Variants in ITGA9 observed in about 807,000 individuals in gnomAD.
ITGA9 encodes the protein integrin alpha-9.
A neutral mutation model predicts 127.8 loss-of-function variants in ITGA9; 56 were observed. The ratio of observed to expected loss-of-function variants is 0.44; its 90% CI spans 0.35 to 0.55. The LOEUF is 0.55. Among genes scored for constraint, ITGA9 ranks in the 20% least tolerant of loss-of-function variants. The pLI is 0.00. For missense variants in ITGA9, 1,196 were observed against 1,347.1 expected, an observed-to-expected ratio of 0.89 and a Z score of 1.76; for synonymous variants, 508 against 514.5, an observed-to-expected ratio of 0.99 and a Z score of 0.17.
intron 15 of ITGA9, among the ~76,000 whole-genome samples, chr3:37,583,312 A>G (rs1011910755): frequency 1.3e-5 from 2 of 152,188 alleles, no homozygotes; most frequent in African/African-American, 2.4e-5. Context: ...GGATAATAAG[A>G]AAGGGGTTAA....
intron 18 of ITGA9, among the ~76,000 whole-genome samples, chr3:37,691,864 T>G (rs1047438804): frequency 4.6e-5 from 7 of 152,254 alleles, no homozygotes; most frequent in African/African-American, 7.2e-5. Context: ...GAACTCATGA[T>G]GTTTTGAAAA....
chr3:37,734,936 G>T (rs564944556), intron 19 of ITGA9, among the ~76,000 whole-genome samples: 8 of 152,346 alleles, frequency 5.3e-5, no homozygotes, highest in African/African-American at 1.7e-4. Flanking sequence ...GGGGGCATGG[G>T]AGCAGAGGGT....
chr3:37,713,639 G>A (rs1701102337), intron 18 of ITGA9, among the ~76,000 whole-genome samples: 1 of 152,208 alleles, frequency 6.6e-6, no homozygotes, highest in Non-Finnish European at 1.5e-5. Flanking sequence ...TCATGGAACA[G>A]GGCAGGAAAT....
At chr3:37,560,100 C>G (rs1203938844) in intron 15 of ITGA9, among the ~76,000 whole-genome samples, 1 of 151,818 alleles carries the variant, frequency 6.6e-6, no homozygotes, top group Non-Finnish European at 1.5e-5. Flanking sequence ...ATCCCTCCCC[C>G]AGCCCGCCAC....
At chr3:37,585,736 C>T (rs1447461090) in intron 15 of ITGA9, 1 of 482,208 alleles carries the variant, frequency 2.1e-6, no homozygotes, top group Admixed American at 2.0e-5. Flanking sequence ...GGGTGGTGAA[C>T]ACTAATATGC....
chr3:37,495,471 T>C (rs539992052), intron 5 of ITGA9, among the ~76,000 whole-genome samples: 1 of 152,340 alleles, frequency 6.6e-6, no homozygotes, highest in Non-Finnish European at 1.5e-5. Flanking sequence ...CTGCTGGCAC[T>C]GTCTATCCAT....
chr3:37,454,539 G>A (rs1215622375), intron 1 of ITGA9, among the ~76,000 whole-genome samples: 1 of 152,162 alleles, frequency 6.6e-6, no homozygotes, highest in Non-Finnish European at 1.5e-5. Context: ...GGGTCCATGG[G>A]AACCCATGTG....
chr3:37,629,428 G>C lies in ITGA9; in HGVS notation c.1839+92G>C. On this transcript the variant is annotated intron_variant, in intron 16 of 27. Transcript: ENST00000264741. This position sits in a 1 kb window ranked among gnomAD's most constrained non-coding sequence, Gnocchi z 4.5. ...AAAAGTTGAGAGAGCCGTGGGCCTG[G>C]CTGCTCAGGAGACCGCAGCCAGGAC... 2.1e-6 allele frequency: 3 copies of C among 1,458,608 alleles called. No individual in the cohort carries two copies. The highest frequency in any genetic ancestry group is 2.8e-6 in the Non-Finnish European group (3 of 1,059,588). 90.4% of individuals were successfully genotyped at this position (1,458,608 alleles called of 1,614,324 possible). A position where few individuals can be genotyped will look rare whatever the true frequency, so the allele number is the denominator to read the frequency against.
chr3:37,691,917 GA>G (rs1216592838), intron 18 of ITGA9, among the ~76,000 whole-genome samples: 1 of 152,236 alleles, frequency 6.6e-6, no homozygotes, highest in Non-Finnish European at 1.5e-5. Flanking sequence ...GTGATTGCAA[GA>G]AGCAGCTAAA....
At chr3:37,561,998 A>G (rs1299336685) in intron 15 of ITGA9, among the ~76,000 whole-genome samples, 1 of 152,218 alleles carries the variant, frequency 6.6e-6, no homozygotes, top group Non-Finnish European at 1.5e-5. Flanking sequence ...CCTGTATAGA[A>G]TGCCTGGGAA....
At chr3:37,637,111 T>A (rs1700286857) in intron 16 of ITGA9, among the ~76,000 whole-genome samples, 1 of 152,192 alleles carries the variant, frequency 6.6e-6, no homozygotes, top group Non-Finnish European at 1.5e-5. Context: ...GACTTGGCGA[T>A]GCGGGCTCTT....
intron 15 of ITGA9, among the ~76,000 whole-genome samples, chr3:37,554,804 G>A (rs1699414400): frequency 6.6e-6 from 1 of 152,182 alleles, no homozygotes; most frequent in African/African-American, 2.4e-5. Context: ...GTCACTGGTG[G>A]TGTTTTCAAC....
At chr3:37,517,399 G>C in intron 9 of ITGA9, 105 bp from the exon 10 acceptor site, 12 of 864,126 alleles carry the variant, frequency 1.4e-5, no homozygotes, top group Non-Finnish European at 2.1e-5. Flanking sequence ...CAATGAGTGT[G>C]CTCTAGCAGG....
intron 15 of ITGA9, among the ~76,000 whole-genome samples, chr3:37,553,381 G>T (rs991320543): frequency 6.6e-6 from 1 of 152,152 alleles, no homozygotes; most frequent in Non-Finnish European, 1.5e-5. Context: ...ATTGCATTTG[G>T]CTGTCACATC....
At chr3:37,749,622 T>C (rs7632008) in intron 22 of ITGA9, 47,269 of 152,168 alleles carry the variant, frequency 0.31, 7,546 homozygotes, top group Middle Eastern at 0.47. Context: ...CTGGTCTCTG[T>C]GACCTCCATC....
intron 14 of ITGA9, among the ~76,000 whole-genome samples, chr3:37,538,990 A>G (rs1001159012): frequency 6.6e-6 from 1 of 152,240 alleles, no homozygotes; most frequent in Non-Finnish European, 1.5e-5. Context: ...CTGAAAGTTT[A>G]ATGTGCTGGC....
intron 15 of ITGA9, among the ~76,000 whole-genome samples, chr3:37,596,438 AG>A (rs1699871625): frequency 6.6e-6 from 1 of 152,116 alleles, no homozygotes; most frequent in African/African-American, 2.4e-5. Flanking sequence ...AGGAGAGAAA[AG>A]GGTGTTCTTC....
At position 37,802,825 on chromosome 3, in the gene ITGA9, G is replaced by A. The variant is rs9827580; in HGVS notation, c.2890-998G>A. Among the ~76,000 whole-genome samples, 326 of 152,280 alleles carry A rather than the reference G, an allele frequency of 2.1e-3. 3 individuals carry two copies. The highest frequency in any genetic ancestry group is 7.7e-3 in the African/African-American group (318 of 41,554). On this transcript the variant is annotated intron_variant, in intron 26 of 27. Transcript: ENST00000264741. The stretch of plus-strand genomic sequence containing the variant: ...CTGCCATTGCAATGTCACTAGGTAC[G>A]GAGTTAGGAAGAGATGCACAGTTGC...
intron 26 of ITGA9, 70 bp downstream of exon 26, chr3:37,785,148 C>A: frequency 9.0e-7 from 1 of 1,109,286 alleles, no homozygotes; most frequent in Non-Finnish European, 1.4e-6. Context: ...AGACCTGGAG[C>A]TGGAATTTGA....
Sources: gnomAD v4.1 joint callset for allele counts (sites outside exome capture counted in the v4.1 genomes callset) on GRCh38, gnomAD v4.1.1 for gene constraint, Gnocchi (gnomAD v3.1) non-coding constraint, MANE v1.5 for transcripts, NCBI Gene and HGNC (gene_info 2026-07-23, HGNC 2026-07-21) for gene names.